The following HPS4 variants were observed in gnomAD, a reference collection of about 807,000 sequenced individuals.
HPS4 encodes BLOC-3 complex member HPS4.
Under a neutral mutation model 70.3 loss-of-function variants are expected in HPS4, and 44 were observed. The observed-to-expected ratio is 0.63, with a 90% CI of 0.49 to 0.80. The LOEUF is 0.80. Ranked by LOEUF, HPS4 falls within the 30% of genes least tolerant of loss-of-function variation. The pLI is 0.00. For synonymous variants in HPS4, 377 were observed against 355.9 expected, an observed-to-expected ratio of 1.06 and a Z score of -0.67; for missense variants, 873 against 884.4, an observed-to-expected ratio of 0.99 and a Z score of 0.16.
chr22:26,467,331 T>C (rs560951912), intron 8 of HPS4: 1 of 152,246 alleles, frequency 6.6e-6, no homozygotes, highest in Non-Finnish European at 1.5e-5. Flanking sequence ...TCTGCTATTA[T>C]AGCTCAAAAG....
In HPS4 at chr22:26,477,004, C is replaced by A; in HGVS notation, c.265G>T (p.Asp89Tyr). 6.2e-7 allele frequency: 1 copy of A among 1,614,184 alleles called. No homozygotes were observed. The change falls in exon 4 of 14, where the codon GAT becomes TAT. Residue 89 changes from aspartate to tyrosine, a missense_variant. Transcript: ENST00000398145. ...KLKFAIKVDG[D>Y]YLWVLGCAVE... ...GCCATTCAACTTACCCAAAGGTAAT[C>A]TCCATCAACTTTTATGGCAAACTTC...
In HPS4 at chr22:26,463,985, T is replaced by C; in HGVS notation, c.1645A>G (p.Lys549Glu). 3 of 1,614,244 alleles carry C rather than the reference T, an allele frequency of 1.9e-6. No individual in the cohort carries two copies. Among genetic ancestry groups the C allele is most frequent in the Non-Finnish European group, 2.5e-6 (3 of 1,180,046 alleles). The part of the protein sequence containing the change: ...VRMNLYTHCV[K>E]GLVLSLLAEE... ...GCCAGCAGGGACAGCACCAGCCCTT[T>C]GACGCAGTGAGTGTAGAGATTCATC... is the stretch of plus-strand genomic sequence containing the variant. Residue 549 changes from lysine to glutamate, a missense_variant, in exon 11 of 14, where the codon AAA becomes GAA. By Grantham distance (56) the Lys-to-Glu change is moderately conservative. Coordinates refer to ENST00000398145, the MANE Select transcript of HPS4 (RefSeq NM_022081.6).
intron 13 of HPS4, among the ~76,000 whole-genome samples, chr22:26,456,447 T>TCAA (rs992442995): frequency 6.6e-6 from 1 of 152,118 alleles, no homozygotes; most frequent in Admixed American, 6.5e-5. Flanking sequence ...GATCACTAGG[T>TCAA]CAAAACATTG....
rs185536544 is a variant in HPS4, at chr22:26,460,852, G to C, written c.1714-2275C>G. Reference sequence around the variant, plus strand: ...TCAAAAGAATAATATTGTAACATGTGCAAATTATATGAAGTTCCAATTCCA... The same window carrying C: ...TCAAAAGAATAATATTGTAACATGTCCAAATTATATGAAGTTCCAATTCCA... On this transcript the variant is annotated intron_variant, in intron 11 of 13. Transcript: ENST00000398145. 5.3e-5 allele frequency among the ~76,000 whole-genome samples: 8 copies of C among 152,252 alleles called. No individual in the cohort carries two copies. In the East Asian group the frequency reaches 1.3e-3, roughly 26 times the overall value.
intron 13 of HPS4, among the ~76,000 whole-genome samples, chr22:26,455,856 G>A (rs1339912451): frequency 6.6e-6 from 1 of 152,144 alleles, no homozygotes; most frequent in African/African-American, 2.4e-5. Context: ...CTCTAAGGAA[G>A]GTGACATACT....
chr22:26,446,917 A>G (rs368601001), downstream of HPS4, among the ~76,000 whole-genome samples: 37 of 152,202 alleles, frequency 2.4e-4, no homozygotes, highest in East Asian at 7.0e-3. Context: ...TAGTAGAGAC[A>G]GTTTCACTAT....
intron 11 of HPS4, among the ~76,000 whole-genome samples, chr22:26,461,009 T>C (rs552372936): frequency 3.9e-5 from 6 of 152,344 alleles, no homozygotes; most frequent in African/African-American, 1.4e-4. Flanking sequence ...TTACATAAAA[T>C]GTTTGCCAGC....
At chr22:26,469,086 C>T (rs898986986) in intron 7 of HPS4, among the ~76,000 whole-genome samples, 6 of 151,866 alleles carry the variant, frequency 4.0e-5, no homozygotes, top group Non-Finnish European at 7.4e-5. Context: ...CATACATGTA[C>T]CAGTGGGGAC....
chr22:26,453,425 G>A (rs1257062200), intron 13 of HPS4, 21 bp from the exon 14 acceptor site: 4 of 1,612,916 alleles, frequency 2.5e-6, no homozygotes, highest in South Asian at 1.1e-5. Flanking sequence ...AAGAAAGAAG[G>A]CAACGGTCCA....
intron 13 of HPS4, 148 bp from the exon 14 acceptor site, chr22:26,453,552 C>A: frequency 1.2e-6 from 1 of 828,372 alleles, no homozygotes; most frequent in Non-Finnish European, 2.0e-6. Flanking sequence ...TCTATTTCTT[C>A]AGCTGAGTTT....
chr22:26,443,238 G>C (rs775015859), downstream of HPS4: 3 of 1,579,426 alleles, frequency 1.9e-6, no homozygotes, highest in East Asian at 2.2e-5. Context: ...CGGCGAGAAG[G>C]GCCGAGGCGG....
Position 26,464,538 on chromosome 22 carries a change from T to A in HPS4, c.1092A>T (p.Gln364His). The change falls in exon 11 of 14, where the codon CAA becomes CAT. Residue 364 changes from glutamine (Q) to histidine (H), a missense_variant. Physicochemically the swap from Gln to His is conservative, Grantham distance 24. Coordinates refer to ENST00000398145, the MANE Select transcript of HPS4 (RefSeq NM_022081.6). ...GGATTTCAGACAAGTCGAGTTCTTC[T>A]TGGAGAAAGACTAGTTCCTTCCCCA... is the stretch of plus-strand genomic sequence containing the variant. Reference protein sequence around the residue: ...SSLGKELVFLQEELDLSEIHI... With the variant: ...SSLGKELVFLHEELDLSEIHI... 1 of 1,614,186 alleles carries A rather than the reference T, an allele frequency of 6.2e-7. No homozygotes were observed.
At chr22:26,443,409 G>GT, downstream of HPS4, 1 of 527,718 alleles carries the variant, frequency 1.9e-6, no homozygotes, top group Non-Finnish European at 3.4e-6. Context: ...TATTTCCTTA[G>GT]ATTTTTTTTT....
intron 8 of HPS4, 45 bp downstream of exon 8, chr22:26,468,506 G>A: frequency 6.5e-7 from 1 of 1,537,430 alleles, no homozygotes; most frequent in Non-Finnish European, 9.0e-7. Flanking sequence ...AGTGACCAGT[G>A]CTCTGGGGGA....
intron 4 of HPS4, among the ~76,000 whole-genome samples, chr22:26,474,131 T>C (rs1174351041): frequency 6.6e-6 from 1 of 152,246 alleles, no homozygotes; most frequent in African/African-American, 2.4e-5. Flanking sequence ...CAAAGCTATC[T>C]TGAGAAAGAA....
rs1231069266 is a variant in HPS4, at chr22:26,452,032, ACACACACACACT to A, written c.*1189_*1200del. On this transcript the variant is annotated 3_prime_UTR_variant, in exon 14 of 14. Coordinates refer to ENST00000398145, the MANE Select transcript of HPS4 (RefSeq NM_022081.6). ...CACACACACACACACACACACACACACACACACACACTGTCTTAACCCTTACCTTTGTCACAA... is the reference window on the plus strand; with the variant it reads ...CACACACACACACACACACACACACAGTCTTAACCCTTACCTTTGTCACAA... 4.7e-4 allele frequency: 144 copies of A among 307,510 alleles called. 1 individual carries two copies. Among genetic ancestry groups the A allele is most frequent in the African/African-American group, 3.0e-3 (131 of 44,358 alleles). 19.0% of individuals were successfully genotyped at this position (307,510 alleles called of 1,614,324 possible).
chr22:26,447,945 C>A (rs1263038798), downstream of HPS4, among the ~76,000 whole-genome samples: 1 of 152,206 alleles, frequency 6.6e-6, no homozygotes, highest in Non-Finnish European at 1.5e-5. Flanking sequence ...GCACTGTGCA[C>A]CCTACGAGGT....
chr22:26,479,444 G>A (rs2091031795), intron 2 of HPS4, 89 bp from the exon 3 acceptor site: 9 of 1,558,734 alleles, frequency 5.8e-6, no homozygotes, highest in Non-Finnish European at 6.9e-6. Context: ...AGCCCGAGGA[G>A]GGCTTATTAC....
At chr22:26,448,169 C>T (rs1003038217), downstream of HPS4, among the ~76,000 whole-genome samples, 23 of 152,234 alleles carry the variant, frequency 1.5e-4, no homozygotes, top group Non-Finnish European at 1.5e-5. Context: ...CCACACCCCT[C>T]CGGCCCCCAG....
Sources: allele counts gnomAD v4.1 joint callset (sites outside exome capture counted in the v4.1 genomes callset), GRCh38; gene constraint gnomAD v4.1.1; transcripts MANE v1.5; gene names NCBI Gene and HGNC (gene_info 2026-07-23, HGNC 2026-07-21).